Variants in TESK2 observed in about 807,000 individuals in gnomAD.
TESK2 encodes dual specificity testis-specific protein kinase 2.
TESK2 carries 39 observed loss-of-function variants against 57.1 expected under a neutral mutation model. The ratio of observed to expected loss-of-function variants is 0.68; its 90% CI spans 0.53 to 0.89. The LOEUF (loss-of-function observed/expected upper bound fraction) is 0.89. TESK2 is among the 40% of genes least tolerant of loss of function. TESK2 has a pLI of 0.00. For missense variants in TESK2, 646 were observed against 732.1 expected (o/e 0.88, Z 1.36); for synonymous variants, 249 against 267.9 (o/e 0.93, Z 0.69).
At chr1:45,363,705 C>G (rs924543647) in intron 4 of TESK2, among the ~76,000 whole-genome samples, 7 of 151,574 alleles carry the variant, frequency 4.6e-5, no homozygotes, top group African/African-American at 1.5e-4. Context: ...TAACAAAGCA[C>G]AGAGATTAGT....
chr1:45,438,829 C>T (rs1557574189), intron 2 of TESK2, among the ~76,000 whole-genome samples: 1 of 151,974 alleles, frequency 6.6e-6, no homozygotes, highest in Non-Finnish European at 1.5e-5. Flanking sequence ...GAAAGGCATA[C>T]AGAGAAATAA....
intron 1 of TESK2, among the ~76,000 whole-genome samples, chr1:45,468,803 G>A (rs989962860): frequency 6.6e-6 from 1 of 152,160 alleles, no homozygotes; most frequent in Non-Finnish European, 1.5e-5. Context: ...AGGTGCTAGG[G>A]AAGCTAAATG....
At chr1:45,346,259 G>A (rs1341359551) in intron 9 of TESK2, among the ~76,000 whole-genome samples, 2 of 152,184 alleles carry the variant, frequency 1.3e-5, no homozygotes, top group Non-Finnish European at 2.9e-5. Flanking sequence ...CTGTTCTTGA[G>A]TTCTGCTCCT....
At chr1:45,464,567 T>C (rs1652463333) in intron 1 of TESK2, among the ~76,000 whole-genome samples, 1 of 152,250 alleles carries the variant, frequency 6.6e-6, no homozygotes, top group African/African-American at 2.4e-5. Flanking sequence ...TGTTTGCTGT[T>C]GGCACACAGA....
intron 3 of TESK2, among the ~76,000 whole-genome samples, chr1:45,386,377 TAAA>T (rs77826408): frequency 1.7e-5 from 1 of 58,136 alleles, no homozygotes; most frequent in Non-Finnish European, 4.1e-5. Context: ...AGACTGCATC[TAAA>T]AAAAAAAAAA....
intron 4 of TESK2, among the ~76,000 whole-genome samples, chr1:45,367,181 C>T (rs1299887713): frequency 6.6e-6 from 1 of 151,856 alleles, no homozygotes; most frequent in African/African-American, 2.4e-5. Context: ...TTTAATAATG[C>T]CTACTCAGAC....
chr1:45,384,726 C>CTTGG (rs1296939474), intron 4 of TESK2, among the ~76,000 whole-genome samples: 1 of 145,834 alleles, frequency 6.9e-6, no homozygotes, highest in Non-Finnish European at 1.5e-5. Flanking sequence ...GGGCTCAGCT[C>CTTGG]TTGGTCATCT....
chr1:45,485,617 G>A (rs1170162355), intron 1 of TESK2, among the ~76,000 whole-genome samples: 1 of 150,904 alleles, frequency 6.6e-6, no homozygotes, highest in Non-Finnish European at 1.5e-5. Context: ...TTCCTGGGTA[G>A]AAGTGATTCT....
intron 3 of TESK2, among the ~76,000 whole-genome samples, chr1:45,404,668 C>T (rs1205062147): frequency 1.3e-5 from 2 of 151,506 alleles, no homozygotes; most frequent in African/African-American, 4.9e-5. Flanking sequence ...CTCAGCCTCC[C>T]GAGTAGCTGG....
Position 45,457,688 on chromosome 1 carries a change from C to T in TESK2, c.98G>A (p.Ser33Asn), listed in dbSNP as rs1299136066. 1 of 1,614,156 alleles carries T rather than the reference C, an allele frequency of 6.2e-7. No individual in the cohort carries two copies. Among genetic ancestry groups the T allele is most frequent in the African/African-American group, 1.3e-5 (1 of 75,038 alleles). The change falls in exon 2 of 11, where the codon AGC becomes AAC. Residue 33 changes from serine (S) to asparagine (N), a missense_variant. By Grantham distance (46) the Ser-to-Asn change is conservative (BLOSUM62 1). Transcript: ENST00000372086. The part of the protein sequence containing the change: ...EGGGGGEGNV[S>N]QVGRVWPSSY... ...AGATGGCCAAACTCTTCCCACCTGG[C>T]TCACATTTCCTTCTCCTCCACCACC...
In TESK2 at chr1:45,347,025, A is replaced by T. The variant is rs915247223; in HGVS notation, c.746T>A (p.Ile249Asn). ...VFSYGIILCE[I>N]IARIQADPDY... ...CGGATCGGCCTGGATGCGGGCGATG[A>T]TCTCGCAGAGGATGATACCATAAGA... The change falls in exon 8 of 11, where the codon ATC (isoleucine) becomes AAC (asparagine). Residue 249 changes from isoleucine to asparagine, a missense_variant. By Grantham distance (149) the Ile-to-Asn change is moderately radical (BLOSUM62 -3). Coordinates refer to ENST00000372086, the MANE Select transcript of TESK2 (RefSeq NM_007170.3). 2.5e-6 allele frequency: 4 copies of T among 1,614,174 alleles called. No homozygotes were observed. In the African/African-American group the frequency reaches 5.3e-5, roughly 22 times the overall value.
chr1:45,347,724 T>C, intron 6 of TESK2, 31 bp from the exon 7 acceptor site: 5 of 1,608,158 alleles, frequency 3.1e-6, no homozygotes, highest in African/African-American at 1.3e-5. Flanking sequence ...GAAAATGAGC[T>C]TGCCAATGGC....
intron 1 of TESK2, among the ~76,000 whole-genome samples, chr1:45,472,022 C>T (rs552880458): frequency 6.3e-4 from 95 of 151,836 alleles, no homozygotes; most frequent in African/African-American, 2.3e-3. Flanking sequence ...GAGGCCGAGG[C>T]GGGTGGATCA....
intron 1 of TESK2, among the ~76,000 whole-genome samples, chr1:45,461,197 T>C (rs1320831431): frequency 6.6e-6 from 1 of 151,864 alleles, no homozygotes; most frequent in East Asian, 1.9e-4. Context: ...TTTAAAAGCA[T>C]TTCCTCATTT....
At chr1:45,390,991 C>T (rs1368684884) in intron 3 of TESK2, among the ~76,000 whole-genome samples, 1 of 150,878 alleles carries the variant, frequency 6.6e-6, no homozygotes, top group African/African-American at 2.4e-5. Flanking sequence ...GATCTCGGCT[C>T]ACTGTAAGCT....
At chr1:45,429,537 T>A (rs1267660972) in intron 2 of TESK2, among the ~76,000 whole-genome samples, 1 of 152,168 alleles carries the variant, frequency 6.6e-6, no homozygotes, top group Non-Finnish European at 1.5e-5. Flanking sequence ...TTTTTTAAAG[T>A]ATATATGACA....
intron 3 of TESK2, among the ~76,000 whole-genome samples, chr1:45,415,692 T>G (rs1322045742): frequency 6.6e-6 from 1 of 152,188 alleles, no homozygotes; most frequent in Non-Finnish European, 1.5e-5. Flanking sequence ...GTGTACTAAT[T>G]TAATTAATCT....
At chr1:45,432,648 G>T (rs1305278714) in intron 2 of TESK2, among the ~76,000 whole-genome samples, 21 of 147,528 alleles carry the variant, frequency 1.4e-4, no homozygotes, top group Admixed American at 4.1e-4. Context: ...CCGAGATCAA[G>T]CCACTGCACT....
chr1:45,482,909 G>T (rs1183048797), intron 1 of TESK2, among the ~76,000 whole-genome samples: 2 of 151,148 alleles, frequency 1.3e-5, no homozygotes, highest in East Asian at 3.9e-4. Flanking sequence ...GAACCCAGGA[G>T]GTGGAGGTTG....
Sources: gnomAD v4.1 joint callset for allele counts (sites outside exome capture counted in the v4.1 genomes callset) on GRCh38, gnomAD v4.1.1 for gene constraint, MANE v1.5 for transcripts, NCBI Gene and HGNC (gene_info 2026-07-23, HGNC 2026-07-21) for gene names.